Variants in EXTL3 observed in about 807,000 individuals in gnomAD.
EXTL3 encodes exostosin-like 3.
Under a neutral mutation model 69.3 loss-of-function variants are expected in EXTL3, and 27 were observed. That is an observed-to-expected ratio of 0.39 (90% CI 0.29 to 0.54). EXTL3 has a LOEUF of 0.54. Among genes scored for constraint, EXTL3 ranks in the 20% least tolerant of loss-of-function variants. The pLI is 0.69. For missense variants in EXTL3, 1,003 were observed against 1,231.8 expected (o/e 0.81, Z 2.78); for synonymous variants, 511 against 499.4 (o/e 1.02, Z -0.31).
At chr8:28,641,579 C>T (rs750730576) in intron 1 of EXTL3, among the ~76,000 whole-genome samples, 11 of 152,058 alleles carry the variant, frequency 7.2e-5, no homozygotes, top group African/African-American at 1.9e-4. Context: ...CGAGCTAAAG[C>T]GATTCTCCGG....
chr8:28,686,287 A>C lies in EXTL3; in HGVS notation c.-52-27170A>C, dbSNP rs187664156. Among the ~76,000 whole-genome samples the C allele has an allele frequency of 2.1e-4, 32 of 151,950 alleles. No homozygotes were observed. The East Asian group carries it at 5.6e-3, about 27-fold the overall frequency. On this transcript the variant is annotated intron_variant, in intron 1 of 6. Transcript: ENST00000523149. Reference sequence around the variant, plus strand: ...TGGGGGTGGATCACTTGAGCCCAGGAGTTCAAGACCAGCCTGAGCAACATA... The same window carrying C: ...TGGGGGTGGATCACTTGAGCCCAGGCGTTCAAGACCAGCCTGAGCAACATA...
intron 1 of EXTL3, among the ~76,000 whole-genome samples, chr8:28,678,736 T>C (rs1807430685): frequency 6.6e-6 from 1 of 152,176 alleles, no homozygotes; most frequent in Non-Finnish European, 1.5e-5. Flanking sequence ...GCTTCAATAC[T>C]GTGGAGAAGA....
chr8:28,747,989 A>C (rs1801924795), intron 6 of EXTL3, among the ~76,000 whole-genome samples: 1 of 152,136 alleles, frequency 6.6e-6, no homozygotes, highest in Non-Finnish European at 1.5e-5. Context: ...TGGCCTCCCA[A>C]AGTGCTGGGA....
chr8:28,702,237 C>A (rs1236073765), intron 1 of EXTL3, among the ~76,000 whole-genome samples: 1 of 152,214 alleles, frequency 6.6e-6, no homozygotes, highest in Non-Finnish European at 1.5e-5. Context: ...CTTTCAGGAG[C>A]CACAGTCAGA....
chr8:28,675,783 A>C (rs891339426), intron 1 of EXTL3, among the ~76,000 whole-genome samples: 2 of 152,152 alleles, frequency 1.3e-5, no homozygotes, highest in Non-Finnish European at 2.9e-5. Context: ...GCACTTTGGG[A>C]GGCCAAGGCG....
At chr8:28,747,028 T>G (rs1326347909) in intron 6 of EXTL3, among the ~76,000 whole-genome samples, 1 of 152,158 alleles carries the variant, frequency 6.6e-6, no homozygotes, top group Non-Finnish European at 1.5e-5. Flanking sequence ...AAACCACTGC[T>G]TCCGTGAAAA....
chr8:28,746,428 G>A (rs1295937770), intron 6 of EXTL3, among the ~76,000 whole-genome samples: 1 of 152,090 alleles, frequency 6.6e-6, no homozygotes, highest in Non-Finnish European at 1.5e-5. Context: ...GGTTCTCTGG[G>A]GTGATATAGG....
chr8:28,666,302 A>G (rs188688367), intron 1 of EXTL3, among the ~76,000 whole-genome samples: 195 of 151,488 alleles, frequency 1.3e-3, no homozygotes, highest in Non-Finnish European at 2.0e-3. Context: ...TTTTTAGACA[A>G]TGTCTCACTC....
chr8:28,633,063 G>A (rs1049585383), intron 1 of EXTL3, among the ~76,000 whole-genome samples: 21 of 152,186 alleles, frequency 1.4e-4, no homozygotes, highest in African/African-American at 4.3e-4. Flanking sequence ...TAGAGGCCGA[G>A]TGTTGTGGCT....
chr8:28,648,124 C>T (rs1161776979), intron 1 of EXTL3, among the ~76,000 whole-genome samples: 8 of 152,124 alleles, frequency 5.3e-5, no homozygotes, highest in Non-Finnish European at 8.8e-5. Flanking sequence ...TTATTCTTTA[C>T]TGATTATTTC....
intron 1 of EXTL3, among the ~76,000 whole-genome samples, chr8:28,683,891 T>C (rs1429355762): frequency 6.6e-6 from 1 of 152,152 alleles, no homozygotes; most frequent in Non-Finnish European, 1.5e-5. Context: ...TCTAACTATA[T>C]TTTTGTGCCC....
rs151112959 is a variant in EXTL3, at chr8:28,659,447, C to T, written c.-53+36637C>T. On this transcript the variant is annotated intron_variant, in intron 1 of 6. Coordinates refer to the EXTL3 transcript ENST00000523149. ...AACTTGAATGACAAGAGGATTCTCA[C>T]GCCTGATTAGAGTTCAGTTGAACTG... is the stretch of plus-strand genomic sequence containing the variant. 1.4e-4 allele frequency among the ~76,000 whole-genome samples: 22 copies of T among 152,282 alleles called. No homozygotes were observed. The South Asian group carries it at 1.9e-3, about 13-fold the overall frequency.
intron 3 of EXTL3, among the ~76,000 whole-genome samples, chr8:28,726,879 CTTTTTTTTT>C (rs11458194): frequency 0.015 from 1,534 of 99,944 alleles, 39 homozygotes; most frequent in African/African-American, 0.059. Context: ...CTTTTCTTTT[CTTTTTTTTT>C]TTTTTTTTTT....
intron 1 of EXTL3, among the ~76,000 whole-genome samples, chr8:28,670,535 C>T (rs1437863969): frequency 2.0e-5 from 3 of 152,086 alleles, no homozygotes; most frequent in Non-Finnish European, 2.9e-5. Flanking sequence ...CTGATGTGTC[C>T]GTGCAAGTCT....
intron 3 of EXTL3, among the ~76,000 whole-genome samples, chr8:28,721,870 A>G (rs1156502784): frequency 6.6e-6 from 1 of 152,170 alleles, no homozygotes; most frequent in Non-Finnish European, 1.5e-5. Flanking sequence ...GTGGGCTGTT[A>G]GGAAAGGGAC....
chr8:28,735,102 T>C (rs1801617762), intron 4 of EXTL3, among the ~76,000 whole-genome samples: 1 of 131,722 alleles, frequency 7.6e-6, no homozygotes, highest in Admixed American at 7.2e-5. Context: ...GTGTATTTTT[T>C]TTACACGATA....
In EXTL3 at chr8:28,625,997, CAAAAAAAAAAAA is replaced by C. The variant is rs67403576; in HGVS notation, c.-53+3204_-53+3215del. Among the ~76,000 whole-genome samples, 5 of 41,102 alleles carry C rather than the reference CAAAAAAAAAAAA, an allele frequency of 1.2e-4. No homozygotes were observed. The East Asian group carries it at 2.8e-3, about 23-fold the overall frequency. The allele number at this position is 41,102 out of a possible 152,430, so 27.0% of individuals were successfully genotyped here. A position where few individuals can be genotyped will look rare whatever the true frequency, so the allele number is the denominator to read the frequency against. On this transcript the variant is annotated intron_variant, in intron 1 of 6. Coordinates refer to the EXTL3 transcript ENST00000523149. ...GCAATATAGTGAGACCACATTTCTCCAAAAAAAAAAAAAAAAAAAAAAAAAAAAGCCAGGTGA... is the reference window on the plus strand; with the variant it reads ...GCAATATAGTGAGACCACATTTCTCCAAAAAAAAAAAAAAAAGCCAGGTGA...
intron 1 of EXTL3, among the ~76,000 whole-genome samples, chr8:28,707,728 C>T (rs1290885646): frequency 1.3e-5 from 2 of 152,196 alleles, no homozygotes; most frequent in African/African-American, 4.8e-5. Context: ...GTTAATGTAG[C>T]ACGGTCCCGG....
intron 4 of EXTL3, among the ~76,000 whole-genome samples, chr8:28,734,784 G>A (rs1444901059): frequency 6.6e-6 from 1 of 152,102 alleles, no homozygotes; most frequent in East Asian, 1.9e-4. Context: ...ATCCAGGATA[G>A]AGAGAGTTCT....
Sources: allele counts gnomAD v4.1 joint callset (sites outside exome capture counted in the v4.1 genomes callset), GRCh38; gene constraint gnomAD v4.1.1; transcripts MANE v1.5; gene names NCBI Gene and HGNC (gene_info 2026-07-23, HGNC 2026-07-21).